Variants in BRINP3 observed in about 807,000 individuals in gnomAD.
BRINP3 encodes BMP/retinoic acid-inducible neural-specific protein 3.
A neutral mutation model predicts 71.0 loss-of-function variants in BRINP3; 19 were observed. The observed-to-expected ratio is 0.27, with a 90% CI of 0.19 to 0.39. The LOEUF (loss-of-function observed/expected upper bound fraction) is 0.39, where lower values mean the gene tolerates loss of function less well. Ranked by LOEUF, BRINP3 falls within the 10% of genes least tolerant of loss-of-function variation. BRINP3 has a pLI of 1.00. For synonymous variants in BRINP3, 380 were observed against 337.7 expected (o/e 1.13, Z -1.37); for missense variants, 959 against 940.8 (o/e 1.02, Z -0.25).
chr1:190,145,676 T>C (rs1571833183), intron 7 of BRINP3, among the ~76,000 whole-genome samples: 1 of 152,186 alleles, frequency 6.6e-6, no homozygotes. Context: ...CTACTGGGTA[T>C]CTACCCAAAG....
intron 2 of BRINP3, among the ~76,000 whole-genome samples, chr1:190,303,117 A>C (rs1167507774): frequency 6.6e-6 from 1 of 151,734 alleles, no homozygotes; most frequent in African/African-American, 2.4e-5. Context: ...TAATTTTCCA[A>C]GTTTCTGAAT....
At chr1:190,420,319 A>G (rs1323631615) in intron 2 of BRINP3, among the ~76,000 whole-genome samples, 1 of 152,146 alleles carries the variant, frequency 6.6e-6, no homozygotes, top group East Asian at 1.9e-4. Flanking sequence ...GCATGTGTGC[A>G]AAAAGTTGTA....
chr1:190,459,351 G>A (rs954660373), intron 1 of BRINP3, among the ~76,000 whole-genome samples: 2 of 151,650 alleles, frequency 1.3e-5, no homozygotes, highest in African/African-American at 4.8e-5. Flanking sequence ...CTAGCTGTCA[G>A]TAGTCTTATT....
chr1:190,338,252 ACTAT>A (rs760979490), intron 2 of BRINP3, among the ~76,000 whole-genome samples: 4 of 152,100 alleles, frequency 2.6e-5, no homozygotes, highest in Non-Finnish European at 4.4e-5. Flanking sequence ...AATAGAGCAG[ACTAT>A]CTAAGCCTAG....
At chr1:190,305,887 C>T (rs1665061219) in intron 2 of BRINP3, among the ~76,000 whole-genome samples, 1 of 151,710 alleles carries the variant, frequency 6.6e-6, no homozygotes, top group African/African-American at 2.4e-5. Context: ...ATATATCAAA[C>T]ATAATATTGT....
intron 2 of BRINP3, among the ~76,000 whole-genome samples, chr1:190,410,467 T>G (rs1338503082): frequency 6.6e-6 from 1 of 152,112 alleles, no homozygotes; most frequent in Non-Finnish European, 1.5e-5. Context: ...ATTTGGATAT[T>G]AGAAGACAGT....
chr1:190,257,715 T>C (rs1370691535), intron 4 of BRINP3, among the ~76,000 whole-genome samples: 1 of 152,204 alleles, frequency 6.6e-6, no homozygotes, highest in Non-Finnish European at 1.5e-5. Flanking sequence ...TTTGTTAGTT[T>C]TCCTTCTAAC....
At chr1:190,300,727 G>A (rs956707332) in intron 2 of BRINP3, among the ~76,000 whole-genome samples, 4 of 152,078 alleles carry the variant, frequency 2.6e-5, no homozygotes, top group Admixed American at 6.6e-5. Context: ...CTGTCTGTTA[G>A]AAGGAAAACT....
chr1:190,296,076 TG>T (rs1041779984), intron 2 of BRINP3, among the ~76,000 whole-genome samples: 13 of 145,584 alleles, frequency 8.9e-5, no homozygotes, highest in African/African-American at 3.0e-4. Flanking sequence ...GTTTTTTTTT[TG>T]GGGGGGGGCT....
chr1:190,116,538 A>G (rs1256419693), intron 7 of BRINP3, among the ~76,000 whole-genome samples: 1 of 152,094 alleles, frequency 6.6e-6, no homozygotes, highest in Non-Finnish European at 1.5e-5. Flanking sequence ...CATAACTACT[A>G]TGTAACTGGC....
At chr1:190,273,651 C>T (rs1220056260) in intron 3 of BRINP3, among the ~76,000 whole-genome samples, 2 of 151,376 alleles carry the variant, frequency 1.3e-5, no homozygotes, top group African/African-American at 4.8e-5. Context: ...AGATATGGCC[C>T]TTAAAATTAT....
At chr1:190,408,559 T>C (rs536744527) in intron 2 of BRINP3, among the ~76,000 whole-genome samples, 28 of 152,304 alleles carry the variant, frequency 1.8e-4, no homozygotes, top group South Asian at 8.3e-4. Flanking sequence ...GATCTTAACA[T>C]AGTAAACATT....
chr1:190,190,468 A>C (rs1048995632), intron 6 of BRINP3, among the ~76,000 whole-genome samples: 1 of 152,046 alleles, frequency 6.6e-6, no homozygotes, highest in African/African-American at 2.4e-5. Context: ...TTAAAGGTAC[A>C]TTTGTGCATG....
At chr1:190,186,850 C>T (rs1233401123) in intron 6 of BRINP3, among the ~76,000 whole-genome samples, 1 of 152,024 alleles carries the variant, frequency 6.6e-6, no homozygotes, top group Non-Finnish European at 1.5e-5. Flanking sequence ...ATCATATTCT[C>T]CCAGTTTCAA....
chr1:190,459,691 C>T (rs552877788), intron 1 of BRINP3, among the ~76,000 whole-genome samples: 1 of 151,900 alleles, frequency 6.6e-6, no homozygotes, highest in Non-Finnish European at 1.5e-5. Context: ...TTTGTATTTG[C>T]ATTTGGACTG....
At chr1:190,103,537 T>C (rs1651879790) in intron 7 of BRINP3, among the ~76,000 whole-genome samples, 1 of 152,070 alleles carries the variant, frequency 6.6e-6, no homozygotes, top group Non-Finnish European at 1.5e-5. Flanking sequence ...TGTTAAAATA[T>C]GCAGTCCCAG....
intron 2 of BRINP3, among the ~76,000 whole-genome samples, chr1:190,407,436 T>C (rs1672355500): frequency 6.6e-6 from 1 of 152,144 alleles, no homozygotes; most frequent in African/African-American, 2.4e-5. Context: ...TCAGTATACA[T>C]GGCATCAAAA....
At chr1:190,388,252 T>C (rs1225726524) in intron 2 of BRINP3, among the ~76,000 whole-genome samples, 1 of 151,820 alleles carries the variant, frequency 6.6e-6, no homozygotes, top group South Asian at 2.1e-4. Context: ...CTGCAGCATC[T>C]GTAGAGAAAA....
rs192425804 is a variant in BRINP3, at chr1:190,436,249, G to A, written c.236+18406C>T. ...GGCCTAGTTAGATATAGACAAATGG[G>A]AATTAAAGGACGATTGAATCAGAAG... On this transcript the variant is annotated intron_variant, in intron 2 of 7. Transcript: ENST00000367462. 1.4e-3 allele frequency among the ~76,000 whole-genome samples: 211 copies of A among 151,986 alleles called. 1 individual carries two copies. The highest frequency in any genetic ancestry group is 4.9e-3 in the African/African-American group (202 of 41,544).
Sources: allele counts gnomAD v4.1 joint callset (sites outside exome capture counted in the v4.1 genomes callset), GRCh38; gene constraint gnomAD v4.1.1; transcripts MANE v1.5; gene names NCBI Gene and HGNC (gene_info 2026-07-23, HGNC 2026-07-21).